Variants in SPATS2L observed in about 807,000 individuals in gnomAD.
SPATS2L encodes SPATS2-like protein.
A neutral mutation model predicts 59.6 loss-of-function variants in SPATS2L; 30 were observed. The ratio of observed to expected loss-of-function variants is 0.50; its 90% confidence interval spans 0.38 to 0.68. SPATS2L has a LOEUF of 0.68. SPATS2L is among the 30% of genes least tolerant of loss of function. The pLI is 0.00. For synonymous variants in SPATS2L, 252 were observed against 263.5 expected (o/e 0.96, Z 0.42); for missense variants, 615 against 700.0 (o/e 0.88, Z 1.37).
chr2:200,326,895 C>T (rs1417128373), intron 1 of SPATS2L, among the ~76,000 whole-genome samples: 19 of 141,354 alleles, frequency 1.3e-4, no homozygotes, highest in African/African-American at 4.3e-4. Context: ...CCACCATGCC[C>T]GGCTAATTTT....
intron 6 of SPATS2L, among the ~76,000 whole-genome samples, chr2:200,433,986 C>T (rs2084110398): frequency 6.6e-6 from 1 of 151,744 alleles, no homozygotes; most frequent in African/African-American, 2.4e-5. Flanking sequence ...AAAGTCATTA[C>T]AAGAAAAGAA....
chr2:200,341,327 C>G (rs2105819985), intron 2 of SPATS2L, among the ~76,000 whole-genome samples: 1 of 152,288 alleles, frequency 6.6e-6, no homozygotes, highest in Admixed American at 6.5e-5. Flanking sequence ...CTCAATAACT[C>G]AAGTGTGTCA....
chr2:200,377,969 A>C (rs2081657337), intron 2 of SPATS2L: 1 of 152,250 alleles, frequency 6.6e-6, no homozygotes, highest in African/African-American at 2.4e-5. Flanking sequence ...TCTCAGCCTC[A>C]GGGGCAGTGA....
At chr2:200,472,514 T>A (rs1246181868) in intron 11 of SPATS2L, among the ~76,000 whole-genome samples, 1 of 152,212 alleles carries the variant, frequency 6.6e-6, no homozygotes, top group Non-Finnish European at 1.5e-5. Context: ...CCTTGAGGTT[T>A]CATTATCTCT....
chr2:200,444,704 G>A (rs2084916332), intron 8 of SPATS2L, among the ~76,000 whole-genome samples: 1 of 152,076 alleles, frequency 6.6e-6, no homozygotes, highest in Non-Finnish European at 1.5e-5. Flanking sequence ...TAGGTCAGGA[G>A]TCTCAGCTCC....
chr2:200,399,171 T>C (rs1466318258), intron 3 of SPATS2L, among the ~76,000 whole-genome samples: 1 of 152,204 alleles, frequency 6.6e-6, no homozygotes. Context: ...CCTCTAGAGC[T>C]TACTCATCTT....
At position 200,467,271 on chromosome 2, in the gene SPATS2L, ACTC is replaced by A. The variant is rs2086667257; in HGVS notation, c.848-13_848-11del. 1 of 1,541,250 alleles carries A rather than the reference ACTC, an allele frequency of 6.5e-7. No individual in the cohort carries two copies. The highest frequency in any genetic ancestry group is 9.0e-7 in the Non-Finnish European group (1 of 1,113,900). On this transcript the variant is annotated splice_polypyrimidine_tract_variant and intron_variant, in intron 9 of 12. Coordinates refer to ENST00000409140, the MANE Select transcript of SPATS2L (RefSeq NM_001100423.2). Reference sequence around the variant, plus strand: ...TTTCAATCTCTGGCCCTAATGTATGACTCCTCCTTATTTGGCAGTGGAAATCCT... The same window carrying A: ...TTTCAATCTCTGGCCCTAATGTATGACTCCTTATTTGGCAGTGGAAATCCT...
chr2:200,396,047 T>TATATATATATATAA (rs2082339830), intron 3 of SPATS2L, among the ~76,000 whole-genome samples: 2 of 69,882 alleles, frequency 2.9e-5, no homozygotes, highest in Non-Finnish European at 5.6e-5. Context: ...TATATATATA[T>TATATATATATATAA]ATATATATAT....
At chr2:200,341,892 A>T (rs1202134715) in intron 2 of SPATS2L, among the ~76,000 whole-genome samples, 2 of 151,900 alleles carry the variant, frequency 1.3e-5, no homozygotes, top group Admixed American at 6.6e-5. Flanking sequence ...GGGTTTCACC[A>T]TGTTAGCCAG....
Position 200,396,604 on chromosome 2 carries a change from A to T in SPATS2L, c.39+7321A>T, listed in dbSNP as rs2082363158. On this transcript the variant is annotated intron_variant, in intron 3 of 12. Transcript: ENST00000409140. ...TGTGGGGTGGAGTATGGTCAGAAAA[A>T]TCCAAGCATTTGATTAGAGAGAGTA... Among the ~76,000 whole-genome samples, 5 of 152,172 alleles carry T rather than the reference A, an allele frequency of 3.3e-5. No homozygotes were observed. The South Asian group carries it at 1.0e-3, about 31-fold the overall frequency.
intron 1 of SPATS2L, among the ~76,000 whole-genome samples, chr2:200,309,501 A>C (rs1238539442): frequency 1.3e-5 from 2 of 152,218 alleles, no homozygotes; most frequent in Non-Finnish European, 2.9e-5. Context: ...TTTGACTGTG[A>C]TAATTAAATC....
At chr2:200,435,521 C>T (rs1274298183) in intron 6 of SPATS2L, among the ~76,000 whole-genome samples, 3 of 152,176 alleles carry the variant, frequency 2.0e-5, no homozygotes, top group African/African-American at 7.2e-5. Flanking sequence ...AGGCTCCCTA[C>T]AACTGGAAGG....
intron 6 of SPATS2L, among the ~76,000 whole-genome samples, chr2:200,431,904 A>G (rs1378956469): frequency 3.9e-5 from 6 of 152,254 alleles, no homozygotes; most frequent in African/African-American, 1.4e-4. Flanking sequence ...CAAGTAAAGT[A>G]TATAAGTTGA....
chr2:200,327,757 T>C (rs2079802582), intron 1 of SPATS2L, among the ~76,000 whole-genome samples: 1 of 152,228 alleles, frequency 6.6e-6, no homozygotes. Context: ...CCAAGGAGTT[T>C]TTGTGAAAGC....
At position 200,477,810 on chromosome 2, in the gene SPATS2L, G is replaced by A. The variant is rs370158775; in HGVS notation, c.1456G>A (p.Gly486Ser). 1.5e-5 allele frequency: 23 copies of A among 1,575,164 alleles called. No homozygotes were observed. The highest frequency in any genetic ancestry group is 9.5e-5 in the African/African-American group (7 of 74,020). ...HNGFRPKNKG[G>S]AKNQEASLGM... ...CGGCTTCCGGCCCAAAAACAAAGGC[G>A]GTGCCAAAAATCAAGAGGCTTCCTT... Residue 486 changes from glycine (G) to serine (S), a missense_variant, in exon 13 of 13, where the codon GGT becomes AGT. This residue lies in a region of SPATS2L where 284 missense variants were observed against 280.1 expected (regional missense o/e 1.01). Transcript: ENST00000409140.
At chr2:200,329,993 G>T (rs1338345180) in intron 2 of SPATS2L, among the ~76,000 whole-genome samples, 2 of 152,110 alleles carry the variant, frequency 1.3e-5, no homozygotes, top group African/African-American at 4.8e-5. Flanking sequence ...CATTGAGTGG[G>T]AGTAGGACAC....
chr2:200,450,251 A>T (rs1183772033), intron 8 of SPATS2L, among the ~76,000 whole-genome samples: 1 of 152,138 alleles, frequency 6.6e-6, no homozygotes, highest in Non-Finnish European at 1.5e-5. Flanking sequence ...CCCATAAGAG[A>T]TGTTCAGTTA....
At chr2:200,423,202 C>T (rs2083388143) in intron 6 of SPATS2L, among the ~76,000 whole-genome samples, 1 of 152,180 alleles carries the variant, frequency 6.6e-6, no homozygotes, top group Non-Finnish European at 1.5e-5. Context: ...CCATGGGTTA[C>T]TGAAACTGTG....
chr2:200,306,162 T>C, upstream of SPATS2L: 1 of 997,772 alleles, frequency 1.0e-6, no homozygotes. Context: ...ATTTTTCAGG[T>C]CATTTTCGAA....
Sources: allele counts gnomAD v4.1 joint callset (sites outside exome capture counted in the v4.1 genomes callset), GRCh38; gene constraint gnomAD v4.1.1; regional missense constraint gnomAD v4.1.1; transcripts MANE v1.5; gene names NCBI Gene and HGNC (gene_info 2026-07-23, HGNC 2026-07-21).